Variants in SYT1 observed in about 807,000 individuals in gnomAD.
SYT1 encodes synaptotagmin-1.
SYT1 carries 8 observed loss-of-function variants against 44.8 expected under a neutral mutation model. That is an observed-to-expected ratio of 0.18 (90% CI 0.10 to 0.32). SYT1 has a LOEUF of 0.32. Among genes scored for constraint, SYT1 ranks in the 10% least tolerant of loss-of-function variants. SYT1 has a pLI of 1.00. For synonymous variants in SYT1, 154 were observed against 188.8 expected (o/e 0.82, Z 1.51); for missense variants, 286 against 509.3 (o/e 0.56, Z 4.22).
chr12:79,183,857 A>G (rs563876879), intron 3 of SYT1, among the ~76,000 whole-genome samples: 5 of 152,208 alleles, frequency 3.3e-5, no homozygotes, highest in Non-Finnish European at 5.9e-5. Context: ...TACAGGAAAC[A>G]ACTTTGTTTT....
intron 8 of SYT1, among the ~76,000 whole-genome samples, chr12:79,338,704 G>T (rs903098968): frequency 6.9e-6 from 1 of 144,046 alleles, no homozygotes; most frequent in Non-Finnish European, 1.5e-5. Flanking sequence ...AAGTTCTAGG[G>T]TACATGTGCA....
At chr12:79,321,620 T>G (rs1019670700) in intron 8 of SYT1, among the ~76,000 whole-genome samples, 2 of 152,200 alleles carry the variant, frequency 1.3e-5, no homozygotes, top group African/African-American at 4.8e-5. Flanking sequence ...GGAATGGGAC[T>G]TAGCTGAATT....
chr12:78,993,417 G>A (rs1165711576), intron 2 of SYT1, among the ~76,000 whole-genome samples: 1 of 152,140 alleles, frequency 6.6e-6, no homozygotes, highest in South Asian at 2.1e-4. Flanking sequence ...ATGCATCAAG[G>A]CAGCTATCCT....
At chr12:79,442,754 G>A (rs1014612049) in intron 9 of SYT1, among the ~76,000 whole-genome samples, 2 of 152,084 alleles carry the variant, frequency 1.3e-5, no homozygotes, top group African/African-American at 4.8e-5. Flanking sequence ...TTCATCTGCA[G>A]TTTTCTCTTC....
At chr12:79,126,686 TGTTA>T (rs1195974843) in intron 3 of SYT1, among the ~76,000 whole-genome samples, 1 of 151,950 alleles carries the variant, frequency 6.6e-6, no homozygotes, top group Non-Finnish European at 1.5e-5. Flanking sequence ...CTCAAAATGG[TGTTA>T]GTAAGAATTA....
chr12:78,891,600 T>A (rs1485483119), intron 1 of SYT1, among the ~76,000 whole-genome samples: 4 of 151,966 alleles, frequency 2.6e-5, no homozygotes, highest in Admixed American at 6.6e-5. Context: ...GATGGTTAAC[T>A]AACATTTATT....
At chr12:79,216,480 T>C (rs1196597402) in intron 3 of SYT1, among the ~76,000 whole-genome samples, 2 of 152,162 alleles carry the variant, frequency 1.3e-5, no homozygotes, top group African/African-American at 4.8e-5. Flanking sequence ...TCATTTCTAC[T>C]CCCTTAGAAT....
chr12:79,193,643 G>A (rs1376956043), intron 3 of SYT1, among the ~76,000 whole-genome samples: 3 of 151,984 alleles, frequency 2.0e-5, no homozygotes, highest in South Asian at 2.1e-4. Flanking sequence ...CAAAAGAATC[G>A]TTCATGCCCA....
intron 4 of SYT1, among the ~76,000 whole-genome samples, chr12:79,253,324 T>A (rs1269256647): frequency 1.3e-5 from 2 of 152,198 alleles, no homozygotes; most frequent in Non-Finnish European, 2.9e-5. Context: ...TTGAAATTTT[T>A]AAATCTTTTT....
chr12:79,354,914 C>A (rs1456324538), intron 9 of SYT1, among the ~76,000 whole-genome samples: 1 of 152,146 alleles, frequency 6.6e-6, no homozygotes, highest in African/African-American at 2.4e-5. Context: ...TTCTTTGTAT[C>A]CTGTCTCTTA....
intron 1 of SYT1, among the ~76,000 whole-genome samples, chr12:78,969,012 G>T (rs777448797): frequency 6.6e-6 from 1 of 152,138 alleles, no homozygotes; most frequent in Non-Finnish European, 1.5e-5. Flanking sequence ...TGACCCTTCT[G>T]TATCCACAGG....
chr12:79,262,193 T>A (rs1226514223), intron 4 of SYT1, among the ~76,000 whole-genome samples: 2 of 152,230 alleles, frequency 1.3e-5, no homozygotes, highest in Non-Finnish European at 2.9e-5. Context: ...AAGCCTTTTT[T>A]TTCCTTATAC....
intron 1 of SYT1, among the ~76,000 whole-genome samples, chr12:78,959,782 C>T (rs988134475): frequency 6.6e-6 from 1 of 152,070 alleles, no homozygotes; most frequent in Admixed American, 6.6e-5. Flanking sequence ...CAGGGAGGAA[C>T]TCGGTGGAAA....
intron 1 of SYT1, among the ~76,000 whole-genome samples, chr12:78,932,975 A>G (rs1463638129): frequency 6.6e-6 from 1 of 152,226 alleles, no homozygotes; most frequent in African/African-American, 2.4e-5. Flanking sequence ...GCAAATTTAT[A>G]TCACCTTAAG....
chr12:79,430,704 T>G (rs1869727369), intron 9 of SYT1, among the ~76,000 whole-genome samples: 2 of 152,230 alleles, frequency 1.3e-5, no homozygotes, highest in Admixed American at 1.3e-4. Flanking sequence ...GGAGGATCAC[T>G]TGAGCCCGGA....
chr12:78,903,181 C>CT (rs1053183994), intron 1 of SYT1, among the ~76,000 whole-genome samples: 1 of 151,334 alleles, frequency 6.6e-6, no homozygotes, highest in Non-Finnish European at 1.5e-5. Context: ...AATGTAGATA[C>CT]TTTTTTGTGT....
At chr12:79,346,340 A>G (rs1468401776) in intron 8 of SYT1, among the ~76,000 whole-genome samples, 1 of 152,222 alleles carries the variant, frequency 6.6e-6, no homozygotes, top group Non-Finnish European at 1.5e-5. Flanking sequence ...TAATGAAATT[A>G]TCAAGCTGCT....
chr12:79,420,753 T>C (rs375123399), intron 9 of SYT1, among the ~76,000 whole-genome samples: 8 of 152,256 alleles, frequency 5.3e-5, no homozygotes, highest in Admixed American at 3.9e-4. Flanking sequence ...TCAAAAACTA[T>C]GCTTATGTAA....
In SYT1 at chr12:79,062,515, G is replaced by C. The variant is rs192410317; in HGVS notation, c.-18+15153G>C. ...CTTGTCCTAGGCTGTTGCCATAAAAGGGTTGTGTTTTCTCTGTTATTCTTT... is the reference window on the plus strand; with the variant it reads ...CTTGTCCTAGGCTGTTGCCATAAAACGGTTGTGTTTTCTCTGTTATTCTTT... On this transcript the variant is annotated intron_variant, in intron 3 of 10. Transcript: ENST00000261205. Among the ~76,000 whole-genome samples, 1,172 of 152,178 alleles carry C rather than the reference G, an allele frequency of 7.7e-3. 56 individuals carry two copies. Among genetic ancestry groups the C allele is most frequent in the Admixed American group, 0.07 (1,063 of 15,238 alleles).
Sources: allele counts gnomAD v4.1 joint callset (sites outside exome capture counted in the v4.1 genomes callset), GRCh38; gene constraint gnomAD v4.1.1; transcripts MANE v1.5; gene names NCBI Gene and HGNC (gene_info 2026-07-23, HGNC 2026-07-21).